Variants in MAGI1 observed in about 807,000 individuals in gnomAD.
MAGI1 encodes the protein membrane associated guanylate kinase, WW and PDZ domain containing 1, also known as membrane-associated guanylate kinase, WW and PDZ domain-containing protein 1.
A neutral mutation model predicts 139.9 loss-of-function variants in MAGI1; 58 were observed. The observed-to-expected ratio is 0.41, with a 90% CI of 0.34 to 0.52. The LOEUF (loss-of-function observed/expected upper bound fraction) is 0.52. MAGI1 is among the 20% of genes least tolerant of loss of function. MAGI1 has a pLI of 0.12. For synonymous variants in MAGI1, 812 were observed against 737.9 expected (o/e 1.10, Z -1.63); for missense variants, 1,874 against 1,901.6 (o/e 0.99, Z 0.27).
intron 5 of MAGI1, among the ~76,000 whole-genome samples, chr3:65,460,475 T>C (rs1286761657): frequency 2.0e-5 from 3 of 152,076 alleles, no homozygotes; most frequent in Non-Finnish European, 4.4e-5. Flanking sequence ...CATCCCTCAT[T>C]ATCTTTTTTT....
chr3:65,988,019 G>A (rs1226983173), intron 1 of MAGI1, among the ~76,000 whole-genome samples: 1 of 152,144 alleles, frequency 6.6e-6, no homozygotes, highest in African/African-American at 2.4e-5. Context: ...TCTGAAAACG[G>A]GTTGAAGATA....
intron 12 of MAGI1, among the ~76,000 whole-genome samples, chr3:65,428,906 G>A (rs1031892032): frequency 6.6e-6 from 1 of 152,056 alleles, no homozygotes; most frequent in Admixed American, 6.6e-5. Context: ...AGCTGGGAAA[G>A]GACCATTCCA....
chr3:65,619,383 T>C (rs79417938), intron 2 of MAGI1, among the ~76,000 whole-genome samples: 5,721 of 152,256 alleles, frequency 0.038, 361 homozygotes, highest in African/African-American at 0.13. Flanking sequence ...AAAAATAACC[T>C]GAGAATGAAG....
At chr3:65,639,989 C>CAAAA (rs10576734) in intron 1 of MAGI1, among the ~76,000 whole-genome samples, 7 of 136,234 alleles carry the variant, frequency 5.1e-5, no homozygotes, top group African/African-American at 1.9e-4. Flanking sequence ...AACTCCGTCT[C>CAAAA]AAAAAAAAAA....
chr3:65,676,785 T>C (rs557914122), intron 1 of MAGI1, among the ~76,000 whole-genome samples: 1 of 152,332 alleles, frequency 6.6e-6, no homozygotes, highest in South Asian at 2.1e-4. Flanking sequence ...AACAGATGGT[T>C]ACACCATCCT....
At position 65,448,028 on chromosome 3, in the gene MAGI1, C is replaced by A; in HGVS notation, c.1072G>T (p.Glu358Ter). 1.2e-6 allele frequency: 2 copies of A among 1,614,106 alleles called. No individual in the cohort carries two copies. The highest frequency in any genetic ancestry group is 2.2e-5 in the South Asian group (2 of 91,082). ...GCAGGCAGGGAGGGTTTACCTAGTT[C>A]ACTGTCCAGCTCCTCGGTGTGTACC... Reference protein sequence around the residue: ...EGVHTEELDSELELPAGWEKI... With the variant: ...EGVHTEELDS The change falls in exon 7 of 23, where the codon GAA becomes TAA. Residue 358 changes from glutamate to a stop codon, truncating the protein, a stop_gained. Coordinates refer to ENST00000402939, the MANE Select transcript of MAGI1 (RefSeq NM_001033057.2). LOFTEE classifies it high-confidence loss of function.
At chr3:65,377,519 A>G (rs1267683352) in intron 17 of MAGI1, among the ~76,000 whole-genome samples, 1 of 152,204 alleles carries the variant, frequency 6.6e-6, no homozygotes, top group East Asian at 1.9e-4. Flanking sequence ...GCCACTTGAC[A>G]TATTTGCTAT....
At chr3:65,946,255 C>T (rs2063540211) in intron 1 of MAGI1, among the ~76,000 whole-genome samples, 1 of 152,214 alleles carries the variant, frequency 6.6e-6, no homozygotes, top group Non-Finnish European at 1.5e-5. Context: ...AAATGTGTTA[C>T]TTCAACTCAC....
At chr3:65,932,221 T>C (rs72906996) in intron 1 of MAGI1, among the ~76,000 whole-genome samples, 3,299 of 152,210 alleles carry the variant, frequency 0.022, 84 homozygotes, top group African/African-American at 0.061. Flanking sequence ...CCAACCAACA[T>C]AAAATAATGC....
intron 1 of MAGI1, among the ~76,000 whole-genome samples, chr3:65,978,920 C>A (rs779189842): frequency 6.6e-6 from 1 of 152,126 alleles, no homozygotes; most frequent in African/African-American, 2.4e-5. Context: ...AGCCACCACG[C>A]CTGGCTCAGC....
intron 1 of MAGI1, among the ~76,000 whole-genome samples, chr3:65,784,301 C>A (rs935311674): frequency 6.6e-6 from 1 of 152,108 alleles, no homozygotes; most frequent in African/African-American, 2.4e-5. Flanking sequence ...GGTATGCATA[C>A]AAGAGAAATG....
At chr3:65,906,592 T>C (rs1322270225) in intron 1 of MAGI1, among the ~76,000 whole-genome samples, 4 of 152,030 alleles carry the variant, frequency 2.6e-5, no homozygotes, top group Non-Finnish European at 5.9e-5. Context: ...AATCAAAATA[T>C]ACAGCCATCT....
intron 1 of MAGI1, among the ~76,000 whole-genome samples, chr3:65,979,459 G>A (rs4688621): frequency 0.25 from 37,383 of 152,090 alleles, 6,025 homozygotes; most frequent in Admixed American, 0.35. Flanking sequence ...TCAAAGCAAC[G>A]TAGCCCAGCA....
intron 1 of MAGI1, among the ~76,000 whole-genome samples, chr3:65,915,719 G>A (rs2061869724): frequency 6.6e-6 from 1 of 152,066 alleles, no homozygotes; most frequent in African/African-American, 2.4e-5. Context: ...ATGCTTTCCT[G>A]AAAACTGCCT....
intron 1 of MAGI1, among the ~76,000 whole-genome samples, chr3:65,779,911 C>G (rs996951247): frequency 1.1e-4 from 17 of 151,418 alleles, no homozygotes; most frequent in Non-Finnish European, 1.9e-4. Flanking sequence ...AATAACAGCA[C>G]TAACAAAGAA....
At chr3:65,874,846 G>C (rs935908860) in intron 1 of MAGI1, 13 of 152,480 alleles carry the variant, frequency 8.5e-5, no homozygotes, top group African/African-American at 3.1e-4. Flanking sequence ...CAAAAACTAG[G>C]AACAACCCAA....
intron 12 of MAGI1, among the ~76,000 whole-genome samples, chr3:65,403,070 C>A (rs1347545622): frequency 6.6e-6 from 1 of 152,198 alleles, no homozygotes; most frequent in East Asian, 1.9e-4. Flanking sequence ...ATCAGGCAAA[C>A]TCAGATAGGC....
At chr3:65,461,487 C>CTT (rs537543064) in intron 5 of MAGI1, among the ~76,000 whole-genome samples, 2,335 of 101,936 alleles carry the variant, frequency 0.023, 53 homozygotes, top group African/African-American at 0.025. Context: ...TGTTTCTTGA[C>CTT]TTTTTTTTTT....
chr3:65,469,130 A>T (rs1950389080), intron 5 of MAGI1, among the ~76,000 whole-genome samples: 1 of 152,280 alleles, frequency 6.6e-6, no homozygotes, highest in South Asian at 2.1e-4. Context: ...CTAGAACTTG[A>T]TCTACATATT....
Sources: gnomAD v4.1 joint callset for allele counts (sites outside exome capture counted in the v4.1 genomes callset) on GRCh38, gnomAD v4.1.1 for gene constraint, MANE v1.5 for transcripts, NCBI Gene and HGNC (gene_info 2026-07-23, HGNC 2026-07-21) for gene names.